TMEM117: variants seen among roughly 807,000 people sequenced by gnomAD.
The protein encoded by TMEM117 is transmembrane protein 117.
A neutral mutation model predicts 52.4 loss-of-function variants in TMEM117; 27 were observed. The observed-to-expected ratio is 0.51, with a 90% CI of 0.38 to 0.71. The LOEUF is 0.71. TMEM117 is among the 30% of genes least tolerant of loss of function. The pLI, the probability that TMEM117 is intolerant of heterozygous loss-of-function variation, is 0.00. For synonymous variants in TMEM117, 215 were observed against 206.3 expected, an observed-to-expected ratio of 1.04 and a Z score of -0.36; for missense variants, 556 against 630.5, an observed-to-expected ratio of 0.88 and a Z score of 1.26.
intron 3 of TMEM117, among the ~76,000 whole-genome samples, chr12:44,101,099 CTT>C (rs533249871): frequency 7.7e-4 from 117 of 151,906 alleles, no homozygotes; most frequent in Non-Finnish European, 1.4e-3. Flanking sequence ...TCTGGGGACT[CTT>C]TTAGAAGAGC....
chr12:44,114,739 A>T (rs894109960), intron 3 of TMEM117, among the ~76,000 whole-genome samples: 6 of 152,222 alleles, frequency 3.9e-5, no homozygotes, highest in African/African-American at 1.4e-4. Context: ...TCACCACATA[A>T]GTATTAGTAG....
chr12:44,030,962 T>G (rs530522507), intron 3 of TMEM117, among the ~76,000 whole-genome samples: 1 of 152,324 alleles, frequency 6.6e-6, no homozygotes, highest in South Asian at 2.1e-4. Context: ...CTGCTTATAA[T>G]CTGCTCTTTA....
intron 1 of TMEM117, among the ~76,000 whole-genome samples, chr12:43,839,650 A>G (rs1393861004): frequency 1.3e-5 from 2 of 152,188 alleles, no homozygotes; most frequent in East Asian, 3.9e-4. Context: ...ACTTTCTTAA[A>G]TACTGTGTTT....
At chr12:44,203,610 A>G (rs890021009) in intron 4 of TMEM117, among the ~76,000 whole-genome samples, 1 of 152,138 alleles carries the variant, frequency 6.6e-6, no homozygotes, top group Non-Finnish European at 1.5e-5. Flanking sequence ...TCCAGTTAAC[A>G]CTGCCTTAGC....
the TMEM117 span, chr12:43,802,276 A>C: frequency 6.7e-7 from 1 of 1,498,736 alleles, no homozygotes; most frequent in African/African-American, 1.5e-5. Flanking sequence ...ACTATAAAAA[A>C]GTTACTTACA....
At position 44,194,680 on chromosome 12, in the gene TMEM117, T is replaced by A. The variant is rs527298455; in HGVS notation, c.511-16610T>A. Reference sequence around the variant, plus strand: ...GTCTCTACAAAAGATACAAATATTATTCGGGCATGGTGGCATGGCACACAC... The same window carrying A: ...GTCTCTACAAAAGATACAAATATTAATCGGGCATGGTGGCATGGCACACAC... On this transcript the variant is annotated intron_variant, in intron 4 of 7. Coordinates refer to ENST00000266534, the MANE Select transcript of TMEM117 (RefSeq NM_032256.3). Among the ~76,000 whole-genome samples the A allele has an allele frequency of 3.9e-3, 598 of 151,838 alleles. 3 individuals are homozygous for A. Among genetic ancestry groups the A allele is most frequent in the African/African-American group, 0.014 (561 of 41,418 alleles).
upstream of TMEM117, among the ~76,000 whole-genome samples, chr12:43,831,272 T>C (rs1942979648): frequency 6.6e-6 from 1 of 152,176 alleles, no homozygotes; most frequent in African/African-American, 2.4e-5. Flanking sequence ...ATAGTTTTGC[T>C]CAGAGTCCAT....
rs1943167003 is a variant in TMEM117 at position 43,844,529 on chromosome 12, C to T, written c.-28-95C>T. On this transcript the variant is annotated intron_variant, in intron 1 of 7. Transcript: ENST00000266534. ...GAACAGGTATCATCTTTTCCAAATA[C>T]ATTTTTATGGAACTGTTATAAACCT... The T allele has an allele frequency of 3.4e-6, 4 of 1,163,414 alleles. No homozygotes were observed. In the African/African-American group the frequency reaches 4.6e-5, roughly 13 times the overall value. 72.1% of individuals were successfully genotyped at this position (1,163,414 alleles called of 1,614,324 possible).
intron 3 of TMEM117, among the ~76,000 whole-genome samples, chr12:44,052,391 G>A (rs1348807501): frequency 1.3e-5 from 2 of 152,078 alleles, no homozygotes; most frequent in Admixed American, 1.3e-4. Flanking sequence ...ACTGGCTCCT[G>A]CAGAAAAGAA....
intron 2 of TMEM117, among the ~76,000 whole-genome samples, chr12:43,921,076 C>T (rs1355042672): frequency 6.6e-6 from 1 of 152,024 alleles, no homozygotes; most frequent in Non-Finnish European, 1.5e-5. Context: ...CCTATTGATG[C>T]TCTTAAAATA....
chr12:44,067,570 ATAT>A (rs1248848682), intron 3 of TMEM117, among the ~76,000 whole-genome samples: 5 of 152,176 alleles, frequency 3.3e-5, no homozygotes. Context: ...ACATTTCATA[ATAT>A]TATGGCGGTA....
At chr12:43,994,639 A>T (rs1001736805) in intron 3 of TMEM117, among the ~76,000 whole-genome samples, 19 of 152,064 alleles carry the variant, frequency 1.2e-4, no homozygotes. Context: ...TTTCTTTTTT[A>T]TCTAGTAGTG....
intron 5 of TMEM117, among the ~76,000 whole-genome samples, chr12:44,218,991 C>T (rs1170393718): frequency 1.3e-5 from 2 of 152,132 alleles, no homozygotes; most frequent in Non-Finnish European, 2.9e-5. Context: ...GACAGTTATT[C>T]TAAGATTTTA....
At chr12:44,067,497 A>G (rs939979566) in intron 3 of TMEM117, among the ~76,000 whole-genome samples, 1 of 152,214 alleles carries the variant, frequency 6.6e-6, no homozygotes, top group Non-Finnish European at 1.5e-5. Flanking sequence ...GTTGATAGGC[A>G]TGAAAATCTC....
chr12:44,182,195 C>G (rs1949210862), intron 4 of TMEM117, among the ~76,000 whole-genome samples: 1 of 152,078 alleles, frequency 6.6e-6, no homozygotes, highest in East Asian at 1.9e-4. Flanking sequence ...GATTTTTGTA[C>G]CTTGATTTTG....
chr12:44,120,614 C>G, intron 3 of TMEM117, among the ~76,000 whole-genome samples: 1 of 152,078 alleles, frequency 6.6e-6, no homozygotes, highest in East Asian at 1.9e-4. Context: ...GATTTTATAC[C>G]CTGATGTCCA....
At chr12:43,859,149 TG>T (rs1484636947) in intron 2 of TMEM117, among the ~76,000 whole-genome samples, 3 of 152,234 alleles carry the variant, frequency 2.0e-5, no homozygotes, top group African/African-American at 7.2e-5. Flanking sequence ...AAGAAGTCTC[TG>T]TGTTCGATTA....
chr12:43,807,700 A>G, the TMEM117 span, among the ~76,000 whole-genome samples: 4 of 151,976 alleles, frequency 2.6e-5, no homozygotes, highest in Admixed American at 1.3e-4. Context: ...AGGCCACTGT[A>G]TTCTCAGTCC....
At chr12:44,280,787 A>G (rs1339491981) in intron 5 of TMEM117, among the ~76,000 whole-genome samples, 1 of 148,754 alleles carries the variant, frequency 6.7e-6, no homozygotes, top group East Asian at 2.0e-4. Context: ...AATCTTTTAC[A>G]TTACCTGAAG....
Sources: allele counts gnomAD v4.1 joint callset (sites outside exome capture counted in the v4.1 genomes callset), GRCh38; gene constraint gnomAD v4.1.1; transcripts MANE v1.5; gene names NCBI Gene and HGNC (gene_info 2026-07-23, HGNC 2026-07-21).